Variants in MICALL1 observed in about 807,000 individuals in gnomAD.
MICALL1 encodes the protein MICAL-like protein 1.
Under a neutral mutation model 83.7 loss-of-function variants are expected in MICALL1, and 61 were observed. That is an observed-to-expected ratio of 0.73 (90% CI 0.59 to 0.90). The LOEUF (loss-of-function observed/expected upper bound fraction) is 0.90. MICALL1 is among the 40% of genes least tolerant of loss of function. MICALL1 has a pLI of 0.00. For synonymous variants in MICALL1, 481 were observed against 473.6 expected, an observed-to-expected ratio of 1.02 and a Z score of -0.20; for missense variants, 1,066 against 1,152.0, an observed-to-expected ratio of 0.93 and a Z score of 1.08.
At chr22:37,933,646 T>C (rs1395528547) in intron 13 of MICALL1, among the ~76,000 whole-genome samples, 2 of 152,112 alleles carry the variant, frequency 1.3e-5, no homozygotes, top group African/African-American at 4.8e-5. Flanking sequence ...TGGGGTTTGG[T>C]GAGGAGGGCT....
chr22:37,920,157 T>G (rs1470955978), intron 5 of MICALL1, among the ~76,000 whole-genome samples: 2 of 152,054 alleles, frequency 1.3e-5, no homozygotes, highest in Non-Finnish European at 2.9e-5. Flanking sequence ...AACAACTTGC[T>G]TTAAGTATGT....
intron 15 of MICALL1, among the ~76,000 whole-genome samples, chr22:37,939,773 CAAAAAAAAAAA>C (rs147934175): frequency 1.8e-4 from 8 of 44,456 alleles, no homozygotes; most frequent in South Asian, 1.9e-3. Flanking sequence ...GTCTCCGTCT[CAAAAAAAAAAA>C]AAAAAAAAAA....
At chr22:37,921,875 G>A in intron 5 of MICALL1, 97 bp from the exon 6 acceptor site, 2 of 1,198,544 alleles carry the variant, frequency 1.7e-6, no homozygotes, top group South Asian at 1.6e-5. Context: ...GTTGGGAGGA[G>A]GGAAGGGAGG....
In MICALL1 at chr22:37,932,743, G is replaced by C; in HGVS notation, c.2144-55G>C. ...GGGGCAGGAGCCTCTATTCCCCGGG[G>C]AACTGAGCCAGGCATGGCAGCCAGC... On this transcript the variant is annotated intron_variant, in intron 11 of 15. Coordinates refer to ENST00000215957, the MANE Select transcript of MICALL1 (RefSeq NM_033386.4). The surrounding 1 kb of genome is among the most constrained non-coding windows in gnomAD (Gnocchi z 4.4). 1 of 1,613,176 alleles carries C rather than the reference G, an allele frequency of 6.2e-7. No individual in the cohort carries two copies. Among genetic ancestry groups the C allele is most frequent in the Non-Finnish European group, 8.5e-7 (1 of 1,179,588 alleles).
chr22:37,923,360 G>A (rs1929217890), intron 6 of MICALL1, among the ~76,000 whole-genome samples: 2 of 151,842 alleles, frequency 1.3e-5, no homozygotes. Context: ...CCAAGTAGCT[G>A]GGACTACAGG....
chr22:37,931,687 C>A, intron 9 of MICALL1, 112 bp from the exon 10 acceptor site: 5 of 1,286,276 alleles, frequency 3.9e-6, no homozygotes, highest in Non-Finnish European at 5.4e-6. Flanking sequence ...TTGCCTGGGT[C>A]CTGCTGGCCC....
At chr22:37,913,852 G>A (rs1002932252) in intron 3 of MICALL1, among the ~76,000 whole-genome samples, 13 of 151,192 alleles carry the variant, frequency 8.6e-5, no homozygotes, top group Admixed American at 6.6e-5. Flanking sequence ...CTCTGCTGTC[G>A]GTCTAGACAG....
intron 9 of MICALL1, 61 bp from the exon 10 acceptor site, chr22:37,931,738 T>C: frequency 6.3e-7 from 1 of 1,596,758 alleles, no homozygotes; most frequent in Non-Finnish European, 8.6e-7. Context: ...AATATGAGGC[T>C]GCTGGGGTCT....
Position 37,906,536 on chromosome 22 carries a change from C to T in MICALL1, c.114C>T (p.Cys38=), listed in dbSNP as rs769604588. Residue 38 remains cysteine, a synonymous_variant, in exon 1 of 16, where the codon TGC becomes TGT. Coordinates refer to ENST00000215957, the MANE Select transcript of MICALL1 (RefSeq NM_033386.4). This position sits in a 1 kb window ranked among gnomAD's most constrained non-coding sequence, Gnocchi z 4.4. ...CCTTCCGGGACGGCCTGGCCTTCTG[C>T]GCCATCCTGCACCGGCACCGGCCCG... ...SSSFRDGLAF[C]AILHRHRPDL... 6 of 1,219,454 alleles carry T rather than the reference C, an allele frequency of 4.9e-6. No individual in the cohort carries two copies. The Admixed American group carries it at 1.2e-4, about 25-fold the overall frequency. 75.5% of individuals were successfully genotyped at this position (1,219,454 alleles called of 1,614,324 possible). A position where few individuals can be genotyped will look rare whatever the true frequency, so the allele number is the denominator to read the frequency against.
chr22:37,912,534 G>T, intron 3 of MICALL1, 42 bp downstream of exon 3: 2 of 1,541,618 alleles, frequency 1.3e-6, no homozygotes, highest in Non-Finnish European at 1.8e-6. Context: ...TGGCCCAGGG[G>T]GTGGCCCTGG....
chr22:37,925,546 G>T, intron 7 of MICALL1, 115 bp from the exon 8 acceptor site: 1 of 682,876 alleles, frequency 1.5e-6, no homozygotes, highest in Non-Finnish European at 2.5e-6. Flanking sequence ...GTGGGAGAAG[G>T]GAAACAGCCG....
At chr22:37,912,130 C>A in intron 2 of MICALL1, 130 bp downstream of exon 2, 2 of 1,205,648 alleles carry the variant, frequency 1.7e-6, no homozygotes, top group Non-Finnish European at 2.4e-6. Flanking sequence ...CTGCACCTTT[C>A]CCCACCCTCT....
rs903685844 is a variant in MICALL1 at position 37,932,501 on chromosome 22, G to C, written c.2017-52G>C. The C allele has an allele frequency of 2.4e-5, 39 of 1,605,708 alleles. No homozygotes were observed. Among genetic ancestry groups the C allele is most frequent in the Non-Finnish European group, 3.1e-5 (37 of 1,174,840 alleles). ...AATGCTGGCCAGAGAAGAGGGCAAG[G>C]CTCCTGGCAGCAACCAGGCAGGCCG... On this transcript the variant is annotated intron_variant, in intron 10 of 15. Transcript: ENST00000215957. The surrounding 1 kb of genome is among the most constrained non-coding windows in gnomAD (Gnocchi z 4.4).
chr22:37,937,104 G>C lies in MICALL1; in HGVS notation c.2333G>C (p.Arg778Pro). 1 of 1,551,656 alleles carries C rather than the reference G, an allele frequency of 6.4e-7. No individual in the cohort carries two copies. The highest frequency in any genetic ancestry group is 8.7e-7 in the Non-Finnish European group (1 of 1,146,980). Residue 778 changes from arginine to proline, a missense_variant, in exon 14 of 16, where the codon CGG (arginine) becomes CCG (proline). By Grantham distance (103) the Arg-to-Pro change is moderately radical. Transcript: ENST00000215957. The part of the protein sequence containing the change: ...KPEKDWTEED[R>P]AREKVLMQEL... ...GAAAAGGACTGGACGGAGGAGGACC[G>C]GGCCCGGGAGAAGGTGCTGATGCAG...
At chr22:37,934,102 G>C (rs911557533) in intron 13 of MICALL1, among the ~76,000 whole-genome samples, 1 of 152,240 alleles carries the variant, frequency 6.6e-6, no homozygotes, top group African/African-American at 2.4e-5. Context: ...TGGCCAGAGC[G>C]GGCACGGCTC....
intron 4 of MICALL1, among the ~76,000 whole-genome samples, chr22:37,918,360 C>A (rs1374731098): frequency 6.6e-6 from 1 of 152,206 alleles, no homozygotes; most frequent in Non-Finnish European, 1.5e-5. Flanking sequence ...GGAAGTGACA[C>A]CAGCCCTTCA....
At chr22:37,918,442 G>A (rs6000940) in intron 4 of MICALL1, among the ~76,000 whole-genome samples, 2,202 of 152,310 alleles carry the variant, frequency 0.014, 52 homozygotes, top group African/African-American at 0.051. Flanking sequence ...GCTGGAGGGA[G>A]CTAGCCCCAG....
rs149483529 is a variant in MICALL1, at chr22:37,927,723, C to A, written c.1778C>A (p.Pro593Gln). 1.9e-6 allele frequency: 3 copies of A among 1,614,082 alleles called. No individual in the cohort carries two copies. In the African/African-American group the frequency reaches 4.0e-5, roughly 22 times the overall value. The change falls in exon 9 of 16, where the codon CCA (proline) becomes CAA (glutamine). Residue 593 changes from proline to glutamine, a missense_variant. Pro to Gln is a moderately conservative substitution (Grantham distance 76). Transcript: ENST00000215957. ...ACCAGGGGCAGCTCAGGTCCCCAGC[C>A]AGCCAAGCCCTGCAGTGGCGCCACC... is the stretch of plus-strand genomic sequence containing the variant. Reference protein sequence around the residue: ...PRTRGSSGPQPAKPCSGATPT... With the variant: ...PRTRGSSGPQQAKPCSGATPT...
intron 2 of MICALL1, 68 bp downstream of exon 2, chr22:37,912,068 G>A: frequency 6.4e-7 from 1 of 1,555,992 alleles, no homozygotes; most frequent in Non-Finnish European, 8.9e-7. Context: ...TGTGTGTTTG[G>A]TGGGGAGGGC....
Sources: gnomAD v4.1 joint callset for allele counts (sites outside exome capture counted in the v4.1 genomes callset) on GRCh38, gnomAD v4.1.1 for gene constraint, Gnocchi (gnomAD v3.1) non-coding constraint, MANE v1.5 for transcripts, NCBI Gene and HGNC (gene_info 2026-07-23, HGNC 2026-07-21) for gene names.